Variants in RNF6 observed in about 807,000 individuals in gnomAD.
RNF6 encodes the protein ring finger protein 6, also known as E3 ubiquitin-protein ligase RNF6.
A neutral mutation model predicts 50.1 loss-of-function variants in RNF6; 21 were observed. The ratio of observed to expected loss-of-function variants is 0.42; its 90% CI spans 0.30 to 0.60. The LOEUF (loss-of-function observed/expected upper bound fraction) is 0.60, where lower values mean the gene tolerates loss of function less well. Ranked by LOEUF, RNF6 falls within the 20% of genes least tolerant of loss-of-function variation. RNF6 has a pLI of 0.20. For synonymous variants in RNF6, 255 were observed against 291.8 expected, an observed-to-expected ratio of 0.87 and a Z score of 1.29; for missense variants, 698 against 838.2, an observed-to-expected ratio of 0.83 and a Z score of 2.07.
chr13:26,157,943 G>T (rs1872016342), intron 5 of RNF6, among the ~76,000 whole-genome samples: 1 of 143,448 alleles, frequency 7.0e-6, no homozygotes, highest in South Asian at 2.3e-4. Context: ...TAGATGGATG[G>T]CTAGCTAGCT....
intron 4 of RNF6, among the ~76,000 whole-genome samples, chr13:26,217,926 T>C (rs1371965211): frequency 1.3e-5 from 2 of 152,326 alleles, no homozygotes; most frequent in South Asian, 2.1e-4. Flanking sequence ...GGTTTTTACA[T>C]AGACTTCATG....
chr13:26,201,173 A>C (rs903326802), intron 5 of RNF6, among the ~76,000 whole-genome samples: 1 of 152,232 alleles, frequency 6.6e-6, no homozygotes, highest in Non-Finnish European at 1.5e-5. Context: ...TTTATTTTGC[A>C]CTGAGTCCAG....
intron 5 of RNF6, among the ~76,000 whole-genome samples, chr13:26,189,618 A>G (rs1201373647): frequency 6.6e-6 from 1 of 152,218 alleles, no homozygotes; most frequent in African/African-American, 2.4e-5. Flanking sequence ...TACAGAATCC[A>G]GAGGGGTAGA....
upstream of RNF6, chr13:26,222,426 G>C (rs1200488203): frequency 6.6e-6 from 1 of 152,324 alleles, no homozygotes; most frequent in African/African-American, 2.4e-5. Flanking sequence ...CTCAGCGCTC[G>C]TGGCAGCCGC....
chr13:26,213,695 G>T lies in RNF6; in HGVS notation c.*129C>A. 3.3e-6 allele frequency: 2 copies of T among 599,004 alleles called. No individual in the cohort carries two copies. Among genetic ancestry groups the T allele is most frequent in the Non-Finnish European group, 2.6e-6 (1 of 391,910 alleles). The allele number at this position is 599,004 out of a possible 1,614,324, so 37.1% of individuals were successfully genotyped here. On this transcript the variant is annotated 3_prime_UTR_variant, in exon 5 of 5. Coordinates refer to ENST00000381588, the MANE Select transcript of RNF6 (RefSeq NM_005977.4). ...TTTTAACAAGTTTAAAAAAGCACAC[G>T]AAAAATAGTTCAAACTATATATAAT...
chr13:26,136,595 G>A (rs1032967971), intron 5 of RNF6, among the ~76,000 whole-genome samples: 4 of 152,108 alleles, frequency 2.6e-5, no homozygotes, highest in East Asian at 1.9e-4. Context: ...AACACAAATC[G>A]TTCACGGAAG....
Position 26,215,332 on chromosome 13 carries a change from T to C in RNF6, c.550A>G (p.Asn184Asp). The C allele has an allele frequency of 2.5e-6, 4 of 1,614,236 alleles. No individual in the cohort carries two copies. Among genetic ancestry groups the C allele is most frequent in the Non-Finnish European group, 3.4e-6 (4 of 1,180,042 alleles). Residue 184 changes from asparagine to aspartate, a missense_variant, in exon 5 of 5, where the codon AAT becomes GAT. Asn to Asp is a conservative substitution (Grantham distance 23, BLOSUM62 1). Transcript: ENST00000381588. Reference sequence around the variant, plus strand: ...GGACTAGTTGACCTTTGTTGCCTATTTGCAGTATGATCTCTGTTACTATCT... The same window carrying C: ...GGACTAGTTGACCTTTGTTGCCTATCTGCAGTATGATCTCTGTTACTATCT... ...LSDSNRDHTA[N>D]RQQRSTSPVA...
chr13:26,190,704 A>G (rs1868420479), intron 5 of RNF6, among the ~76,000 whole-genome samples: 1 of 152,224 alleles, frequency 6.6e-6, no homozygotes, highest in South Asian at 2.1e-4. Context: ...CTATTCATCA[A>G]TTGAACATTT....
intron 2 of RNF6, among the ~76,000 whole-genome samples, chr13:26,220,084 T>G (rs1452619264): frequency 6.6e-6 from 1 of 152,232 alleles, no homozygotes; most frequent in Non-Finnish European, 1.5e-5. Context: ...AAAGGGATAC[T>G]GGGATGATAT....
At chr13:26,202,534 A>C (rs1022582658) in intron 5 of RNF6, among the ~76,000 whole-genome samples, 1 of 152,254 alleles carries the variant, frequency 6.6e-6, no homozygotes, top group Non-Finnish European at 1.5e-5. Flanking sequence ...AATCCAGAAG[A>C]AGCATTAACT....
chr13:26,170,239 CAAA>C (rs10712832), intron 5 of RNF6, among the ~76,000 whole-genome samples: 2 of 139,116 alleles, frequency 1.4e-5, no homozygotes. Flanking sequence ...CTGGATTTTA[CAAA>C]AAAAAAAAAA....
chr13:26,160,499 C>T (rs967090649), intron 5 of RNF6, among the ~76,000 whole-genome samples: 3 of 148,156 alleles, frequency 2.0e-5, no homozygotes, highest in African/African-American at 7.4e-5. Context: ...GCTGGGACTA[C>T]AGGCTTATGC....
At chr13:26,155,305 A>G (rs1871856159) in intron 5 of RNF6, among the ~76,000 whole-genome samples, 2 of 152,036 alleles carry the variant, frequency 1.3e-5, no homozygotes, top group East Asian at 3.9e-4. Flanking sequence ...ATCTATCTGC[A>G]TCTACATGAC....
At chr13:26,142,536 G>A (rs562767374) in intron 5 of RNF6, among the ~76,000 whole-genome samples, 88 of 152,240 alleles carry the variant, frequency 5.8e-4, no homozygotes, top group African/African-American at 2.0e-3. Context: ...GGAATACTAC[G>A]CAGCCATAAA....
At chr13:26,173,511 A>G (rs982997382) in intron 5 of RNF6, among the ~76,000 whole-genome samples, 2 of 152,186 alleles carry the variant, frequency 1.3e-5, no homozygotes, top group African/African-American at 4.8e-5. Flanking sequence ...AAAAAGCCCT[A>G]CAATTTCATA....
chr13:26,188,185 C>T (rs1232309303), intron 5 of RNF6, among the ~76,000 whole-genome samples: 5 of 152,152 alleles, frequency 3.3e-5, no homozygotes, highest in African/African-American at 9.7e-5. Context: ...GGCTCCAAGG[C>T]GAAGTGACCT....
chr13:26,160,847 C>T (rs1234779421), intron 5 of RNF6, among the ~76,000 whole-genome samples: 1 of 152,128 alleles, frequency 6.6e-6, no homozygotes, highest in Admixed American at 6.5e-5. Flanking sequence ...CCTCATGTGG[C>T]CTTCCCTCTG....
chr13:26,175,148 T>A (rs1872890314), intron 5 of RNF6, among the ~76,000 whole-genome samples: 1 of 152,132 alleles, frequency 6.6e-6, no homozygotes, highest in Non-Finnish European at 1.5e-5. Flanking sequence ...TGGCGTGATC[T>A]CGGCTCACTG....
At chr13:26,150,889 G>A (rs1347839827) in intron 5 of RNF6, 1 of 152,106 alleles carries the variant, frequency 6.6e-6, no homozygotes, top group African/African-American at 2.4e-5. Context: ...TTCCTGTTGG[G>A]GACATACCTG....
Sources: allele counts gnomAD v4.1 joint callset (sites outside exome capture counted in the v4.1 genomes callset), GRCh38; gene constraint gnomAD v4.1.1; transcripts MANE v1.5; gene names NCBI Gene and HGNC (gene_info 2026-07-23, HGNC 2026-07-21).